The following SHC4 variants were observed in gnomAD, a reference collection of about 807,000 sequenced individuals.
SHC4 encodes SHC adaptor protein 4.
Under a neutral mutation model 69.4 loss-of-function variants are expected in SHC4, and 41 were observed. That is an observed-to-expected ratio of 0.59 (90% CI 0.46 to 0.77). The LOEUF is 0.77. Ranked by LOEUF, SHC4 falls within the 30% of genes least tolerant of loss-of-function variation. The pLI is 0.00. For synonymous variants in SHC4, 318 were observed against 299.3 expected (o/e 1.06, Z -0.64); for missense variants, 777 against 783.8 (o/e 0.99, Z 0.10).
intron 1 of SHC4, chr15:48,946,654 C>G (rs1173870499): frequency 4.3e-6 from 4 of 929,654 alleles, no homozygotes; most frequent in Non-Finnish European, 5.1e-6. Context: ...GATGGCTGTT[C>G]CCCATTCCTT....
At chr15:48,934,987 G>T (rs1901040183) in intron 1 of SHC4, among the ~76,000 whole-genome samples, 1 of 152,150 alleles carries the variant, frequency 6.6e-6, no homozygotes, top group Admixed American at 6.6e-5. Context: ...TGATAAAAAT[G>T]TTCTGTAATT....
In SHC4 at chr15:48,882,643, A is replaced by T. The variant is rs537086017; in HGVS notation, c.840+1605T>A. Reference sequence around the variant, plus strand: ...ACAGAAAGGGCCATCTTAAAAAATGATCATAGATTCTACCCAAAAGGCTGT... The same window carrying T: ...ACAGAAAGGGCCATCTTAAAAAATGTTCATAGATTCTACCCAAAAGGCTGT... On this transcript the variant is annotated intron_variant, in intron 4 of 11. Transcript: ENST00000332408. Among the ~76,000 whole-genome samples, 4 of 152,284 alleles carry T rather than the reference A, an allele frequency of 2.6e-5. No individual in the cohort carries two copies. In the East Asian group the frequency reaches 7.7e-4, roughly 29 times the overall value.
intron 1 of SHC4, among the ~76,000 whole-genome samples, chr15:48,926,310 G>T (rs17384124): frequency 6.6e-6 from 1 of 152,030 alleles, no homozygotes; most frequent in Non-Finnish European, 1.5e-5. Flanking sequence ...GTGATCTGTT[G>T]TCTCCTCGGA....
At chr15:48,872,174 A>G (rs1899689849) in intron 4 of SHC4, 32 bp from the exon 5 acceptor site, 1 of 1,233,704 alleles carries the variant, frequency 8.1e-7, no homozygotes, top group South Asian at 1.4e-5. Flanking sequence ...ACTAATATAA[A>G]TTAATTGTTA....
intron 2 of SHC4, among the ~76,000 whole-genome samples, chr15:48,914,066 GC>G (rs1595755375): frequency 6.6e-6 from 1 of 152,186 alleles, no homozygotes; most frequent in African/African-American, 2.4e-5. Flanking sequence ...TCACCATGTT[GC>G]CCAGGCTGGT....
chr15:48,924,907 C>T lies in SHC4; in HGVS notation c.628G>A (p.Asp210Asn). 1.2e-6 allele frequency: 2 copies of T among 1,614,124 alleles called. No individual in the cohort carries two copies. The highest frequency in any genetic ancestry group is 2.7e-5 in the African/African-American group (2 of 75,028). ...VEVLQSMRSL[D>N]FGMRTQVTRE... is the part of the protein sequence containing the mutation. ...GTAACTTGGGTTCTCATTCCAAAAT[C>T]CAGTGATCTCATTGATTGCAGCACT... The change falls in exon 2 of 12, where the codon GAT becomes AAT. Residue 210 changes from aspartate to asparagine, a missense_variant. Transcript: ENST00000332408.
rs917818280 is a variant in SHC4, at chr15:48,825,557, G to C, written c.*414C>G. On this transcript the variant is annotated 3_prime_UTR_variant, in exon 12 of 12. Transcript: ENST00000332408. ...TTTGGCAAATGGTTCTATAGTCATA[G>C]AACATGAAGATACTTAGAATTAATC... is the stretch of plus-strand genomic sequence containing the variant. The C allele has an allele frequency of 3.2e-5, 5 of 156,370 alleles. No homozygotes were observed. Among genetic ancestry groups the C allele is most frequent in the Non-Finnish European group, 7.1e-5 (5 of 70,748 alleles). The allele number at this position is 156,370 out of a possible 1,614,324, so 9.7% of individuals were successfully genotyped here.
intron 3 of SHC4, among the ~76,000 whole-genome samples, chr15:48,889,563 C>T (rs1316722846): frequency 2.0e-5 from 3 of 151,936 alleles, no homozygotes; most frequent in South Asian, 2.1e-4. Flanking sequence ...AACCCTTCTC[C>T]GCCGGGTGCG....
intron 1 of SHC4, among the ~76,000 whole-genome samples, chr15:48,947,506 T>C (rs1901296649): frequency 6.6e-6 from 1 of 152,230 alleles, no homozygotes; most frequent in Non-Finnish European, 1.5e-5. Flanking sequence ...AATAGTGCAA[T>C]TACCCCTCAA....
intron 1 of SHC4, among the ~76,000 whole-genome samples, chr15:48,956,927 C>CA (rs1476954282): frequency 2.0e-5 from 3 of 148,274 alleles, no homozygotes; most frequent in East Asian, 4.0e-4. Flanking sequence ...GCATTTTGTT[C>CA]AAACTTCTTC....
intron 4 of SHC4, among the ~76,000 whole-genome samples, chr15:48,874,863 C>T (rs965791726): frequency 2.6e-5 from 4 of 152,234 alleles, no homozygotes; most frequent in South Asian, 2.1e-4. Flanking sequence ...AGTCTGAATC[C>T]GACTATTTTA....
intron 2 of SHC4, among the ~76,000 whole-genome samples, chr15:48,915,649 T>C (rs1224042444): frequency 6.6e-6 from 1 of 152,230 alleles, no homozygotes; most frequent in East Asian, 1.9e-4. Flanking sequence ...TCTAATCAGC[T>C]GATAATGGCC....
In SHC4 at chr15:48,857,690, A is replaced by T. The variant is rs1452957252; in HGVS notation, c.1070+2T>A. 2.5e-6 allele frequency: 4 copies of T among 1,593,342 alleles called. No homozygotes were observed. Among genetic ancestry groups the T allele is most frequent in the Non-Finnish European group, 2.6e-6 (3 of 1,170,048 alleles). Reference sequence around the variant, plus strand: ...CAAATTATTATAAAACTCTTGGCTGACCTTTCACAAGAAGTATTCAAAGAA... The same window carrying T: ...CAAATTATTATAAAACTCTTGGCTGTCCTTTCACAAGAAGTATTCAAAGAA... On this transcript the variant is annotated splice_donor_variant, in intron 7 of 11. Transcript: ENST00000332408. LOFTEE classifies it high-confidence loss of function.
chr15:48,891,209 G>T (rs985215704), intron 2 of SHC4, among the ~76,000 whole-genome samples: 2 of 152,116 alleles, frequency 1.3e-5, no homozygotes, highest in African/African-American at 4.8e-5. Context: ...AAGCTTCATA[G>T]TATCTCAGAA....
chr15:48,932,952 A>T (rs1001571836), intron 1 of SHC4, among the ~76,000 whole-genome samples: 1 of 152,192 alleles, frequency 6.6e-6, no homozygotes, highest in Admixed American at 6.5e-5. Context: ...GGATATGCAT[A>T]TAAAAAAAAT....
intron 1 of SHC4, among the ~76,000 whole-genome samples, chr15:48,945,000 C>T (rs527632058): frequency 6.6e-6 from 1 of 152,284 alleles, no homozygotes; most frequent in East Asian, 1.9e-4. Flanking sequence ...TAAGTCAACA[C>T]TGATGTTTAT....
At chr15:48,911,179 A>C (rs1230077948) in intron 2 of SHC4, among the ~76,000 whole-genome samples, 1 of 152,132 alleles carries the variant, frequency 6.6e-6, no homozygotes, top group Non-Finnish European at 1.5e-5. Flanking sequence ...GTCTCCCACT[A>C]TTATTGTGTT....
In SHC4 at chr15:48,962,948, C is replaced by A. The variant is rs775874089; in HGVS notation, c.68G>T (p.Gly23Val). 6.2e-7 allele frequency: 1 copy of A among 1,613,140 alleles called. No homozygotes were observed. Among genetic ancestry groups the A allele is most frequent in the Non-Finnish European group, 8.5e-7 (1 of 1,180,004 alleles). The change falls in exon 1 of 12, where the codon GGG (glycine) becomes GTG (valine). Residue 23 changes from glycine to valine, a missense_variant. Coordinates refer to ENST00000332408, the MANE Select transcript of SHC4 (RefSeq NM_203349.4). ...VLYVGLFGHP[G>V]MLHRAKYSRF... is the part of the protein sequence containing the mutation. ...GCTGTACTTGGCCCTGTGCAGCATC[C>A]CGGGGTGCCCGAAGAGTCCTACATA...
chr15:48,878,275 A>T (rs750319038), intron 4 of SHC4: 4 of 1,613,462 alleles, frequency 2.5e-6, no homozygotes, highest in Admixed American at 1.7e-5. Flanking sequence ...AGATGGAGGT[A>T]GGCAGCGGGA....
Sources: allele counts gnomAD v4.1 joint callset (sites outside exome capture counted in the v4.1 genomes callset), GRCh38; gene constraint gnomAD v4.1.1; transcripts MANE v1.5; gene names NCBI Gene and HGNC (gene_info 2026-07-23, HGNC 2026-07-21).